The following DYNC1LI1 variants were observed in gnomAD, a reference collection of about 807,000 sequenced individuals.
DYNC1LI1 encodes the protein dynein cytoplasmic 1 light intermediate chain 1, also known as cytoplasmic dynein 1 light intermediate chain 1.
Under a neutral mutation model 63.8 loss-of-function variants are expected in DYNC1LI1, and 19 were observed. That is an observed-to-expected ratio of 0.30 (90% CI 0.21 to 0.44). DYNC1LI1 has a LOEUF of 0.44. Among genes scored for constraint, DYNC1LI1 ranks in the 20% least tolerant of loss-of-function variants. The probability of loss-of-function intolerance (pLI) is 1.00; values close to 1 mark genes in which losing one functional copy is unlikely to be tolerated. For synonymous variants in DYNC1LI1, 225 were observed against 232.3 expected (o/e 0.97, Z 0.28); for missense variants, 565 against 630.2 (o/e 0.90, Z 1.11).
intron 8 of DYNC1LI1, 190 bp downstream of exon 8, chr3:32,532,796 T>A (rs1697719075): frequency 1.0e-6 from 1 of 985,732 alleles, no homozygotes; most frequent in East Asian, 3.5e-5. Flanking sequence ...ATTAGCTGAA[T>A]AGCTGATTTC....
chr3:32,567,334 T>TTACACATACACACGTTAC (rs1698276336), intron 2 of DYNC1LI1, among the ~76,000 whole-genome samples: 1 of 152,118 alleles, frequency 6.6e-6, no homozygotes, highest in Non-Finnish European at 1.5e-5. Context: ...ACAATGGCTC[T>TTACACATACACACGTTAC]TACACATACA....
At chr3:32,567,264 T>C (rs749038468) in intron 2 of DYNC1LI1, among the ~76,000 whole-genome samples, 15 of 152,096 alleles carry the variant, frequency 9.9e-5, no homozygotes, top group Non-Finnish European at 1.8e-4. Flanking sequence ...CATCTATAAA[T>C]TGGTGCCCTG....
chr3:32,545,811 A>T, intron 3 of DYNC1LI1, 38 bp downstream of exon 3: 1 of 1,452,828 alleles, frequency 6.9e-7, no homozygotes, highest in Non-Finnish European at 9.7e-7. Context: ...TGCACCTCAA[A>T]ATAGACTTCA....
chr3:32,553,811 G>A (rs976083581), intron 2 of DYNC1LI1, among the ~76,000 whole-genome samples: 1 of 152,230 alleles, frequency 6.6e-6, no homozygotes, highest in Non-Finnish European at 1.5e-5. Flanking sequence ...GTTCACACAG[G>A]TAGGAAATGA....
At chr3:32,567,163 G>A (rs116385364) in intron 2 of DYNC1LI1, among the ~76,000 whole-genome samples, 2,180 of 152,330 alleles carry the variant, frequency 0.014, 24 homozygotes, top group Non-Finnish European at 0.02. Flanking sequence ...CTTCTATCAA[G>A]TTAGAAATCC....
chr3:32,538,046 T>TA (rs1176804338), intron 5 of DYNC1LI1, among the ~76,000 whole-genome samples: 65 of 5,194 alleles, frequency 0.013, 12 homozygotes, highest in South Asian at 0.09. Flanking sequence ...TATATATATA[T>TA]AATTATATAT....
At chr3:32,551,435 A>G (rs1698037611) in intron 2 of DYNC1LI1, among the ~76,000 whole-genome samples, 1 of 152,194 alleles carries the variant, frequency 6.6e-6, no homozygotes, top group Non-Finnish European at 1.5e-5. Flanking sequence ...AAAGGTGAAA[A>G]CAAACAGTGG....
chr3:32,529,499 G>A (rs766077643), intron 11 of DYNC1LI1, 41 bp downstream of exon 11: 3 of 1,553,146 alleles, frequency 1.9e-6, no homozygotes, highest in East Asian at 2.3e-5. Context: ...TATTTCTCTT[G>A]TAAAATGTAT....
chr3:32,561,033 AC>A (rs141656300), intron 2 of DYNC1LI1, among the ~76,000 whole-genome samples: 1,036 of 88,050 alleles, frequency 0.012, 29 homozygotes, highest in African/African-American at 0.038. Context: ...AAAAAAAAAA[AC>A]AAACAAAAAA....
rs1408227644 is a variant in DYNC1LI1 at position 32,568,406 on chromosome 3, TG to T, written c.220+1939del. 3.1e-4 allele frequency among the ~76,000 whole-genome samples: 47 copies of T among 152,300 alleles called. 1 individual carries two copies. Among genetic ancestry groups the T allele is most frequent in the African/African-American group, 1.1e-3 (44 of 41,572 alleles). On this transcript the variant is annotated intron_variant, in intron 2 of 12. Coordinates refer to ENST00000273130, the MANE Select transcript of DYNC1LI1 (RefSeq NM_016141.4). ...ATCAGTTATTAGCTCCTTCCAAAGC[TG>T]AAAAGGACTCTCTGATGAAAATCCC...
intron 6 of DYNC1LI1, 102 bp downstream of exon 6, chr3:32,536,909 T>C: frequency 4.8e-6 from 3 of 622,920 alleles, no homozygotes; most frequent in Non-Finnish European, 8.4e-6. Flanking sequence ...AGGAGAAATG[T>C]TTACAGAATT....
intron 11 of DYNC1LI1, among the ~76,000 whole-genome samples, chr3:32,529,170 A>G (rs751894991): frequency 6.6e-6 from 1 of 152,248 alleles, no homozygotes; most frequent in Non-Finnish European, 1.5e-5. Context: ...AGGCATAAAA[A>G]CATAAACTCT....
intron 2 of DYNC1LI1, among the ~76,000 whole-genome samples, chr3:32,547,791 G>C (rs1296425007): frequency 6.6e-6 from 1 of 152,158 alleles, no homozygotes; most frequent in Non-Finnish European, 1.5e-5. Context: ...ACGTTAAAGA[G>C]ATATCTGTAC....
intron 5 of DYNC1LI1, among the ~76,000 whole-genome samples, chr3:32,538,714 A>T (rs9856201): frequency 0.04 from 6,012 of 151,224 alleles, 303 homozygotes; most frequent in African/African-American, 0.12. Context: ...AAAAAAAAAA[A>T]TTTTTTTTAA....
intron 5 of DYNC1LI1, among the ~76,000 whole-genome samples, chr3:32,538,050 T>TTATATATATA (rs61396328): frequency 3.9e-5 from 2 of 51,692 alleles, no homozygotes; most frequent in Non-Finnish European, 3.5e-5. Context: ...TATATATAAT[T>TTATATATATA]ATATATATAT....
At chr3:32,530,573 T>TTA in intron 8 of DYNC1LI1, 53 bp from the exon 9 acceptor site, 1 of 1,420,244 alleles carries the variant, frequency 7.0e-7, no homozygotes, top group South Asian at 1.2e-5. Flanking sequence ...GCTAACACAA[T>TTA]TAATAATTTA....
chr3:32,544,494 G>T (rs62252797), intron 4 of DYNC1LI1, among the ~76,000 whole-genome samples: 10,960 of 152,130 alleles, frequency 0.072, 517 homozygotes, highest in Middle Eastern at 0.14. Context: ...TTACAGGCTG[G>T]GCCGGTGGCT....
rs148498378 is a variant in DYNC1LI1, at chr3:32,562,898, C to T, written c.220+7448G>A. On this transcript the variant is annotated intron_variant, in intron 2 of 12. Transcript: ENST00000273130. ...CAGGACTCCTTCCGCCATATCTAAACTGCCTCGGCCCTTTTCTCTGCGTTT... is the reference window on the plus strand; with the variant it reads ...CAGGACTCCTTCCGCCATATCTAAATTGCCTCGGCCCTTTTCTCTGCGTTT... Among the ~76,000 whole-genome samples the T allele has an allele frequency of 3.2e-4, 48 of 152,324 alleles. 1 individual carries two copies. The highest frequency in any genetic ancestry group is 9.9e-4 in the African/African-American group (41 of 41,582).
At chr3:32,560,280 C>T (rs1423005426) in intron 2 of DYNC1LI1, among the ~76,000 whole-genome samples, 2 of 151,818 alleles carry the variant, frequency 1.3e-5, no homozygotes, top group African/African-American at 4.8e-5. Context: ...ACTAAAAATA[C>T]AAAAATTAGC....
Sources: gnomAD v4.1 joint callset for allele counts (sites outside exome capture counted in the v4.1 genomes callset) on GRCh38, gnomAD v4.1.1 for gene constraint, MANE v1.5 for transcripts, NCBI Gene and HGNC (gene_info 2026-07-23, HGNC 2026-07-21) for gene names.